MAGI3: variants seen among roughly 807,000 people sequenced by gnomAD.
MAGI3 encodes the protein membrane-associated guanylate kinase, WW and PDZ domain-containing protein 3.
Under a neutral mutation model 121.8 loss-of-function variants are expected in MAGI3, and 43 were observed. That is an observed-to-expected ratio of 0.35 (90% confidence interval 0.28 to 0.46). The LOEUF is 0.46. MAGI3 is among the 20% of genes least tolerant of loss of function. The pLI, the probability that MAGI3 is intolerant of heterozygous loss-of-function variation, is 1.00. For synonymous variants in MAGI3, 553 were observed against 639.3 expected (o/e 0.86, Z 2.04); for missense variants, 1,547 against 1,797.3 (o/e 0.86, Z 2.52).
chr1:113,438,085 T>C lies in MAGI3; in HGVS notation c.316+46736T>C, dbSNP rs1653721299. 5.9e-5 allele frequency among the ~76,000 whole-genome samples: 9 copies of C among 152,088 alleles called. No individual in the cohort carries two copies. In the South Asian group the frequency reaches 1.9e-3, roughly 32 times the overall value. ...CTGGAACTACAGGCATGAGCCACTGTGCCTGGCTCTGCAAGACTGATGTAG... is the reference window on the plus strand; with the variant it reads ...CTGGAACTACAGGCATGAGCCACTGCGCCTGGCTCTGCAAGACTGATGTAG... On this transcript the variant is annotated intron_variant, in intron 1 of 20. Transcript: ENST00000307546.
At chr1:113,577,055 G>T (rs994980977) in intron 2 of MAGI3, among the ~76,000 whole-genome samples, 1 of 152,066 alleles carries the variant, frequency 6.6e-6, no homozygotes, top group African/African-American at 2.4e-5. Context: ...TTATTTAGTT[G>T]GTACAATCAT....
At chr1:113,441,196 G>A (rs1355296242) in intron 1 of MAGI3, among the ~76,000 whole-genome samples, 1 of 152,010 alleles carries the variant, frequency 6.6e-6, no homozygotes, top group Non-Finnish European at 1.5e-5. Context: ...TCTCATGTTG[G>A]GATTTCCCCT....
At chr1:113,649,206 CATAGT>C (rs1268221350) in intron 12 of MAGI3, 26 bp from the exon 13 acceptor site, 1 of 1,507,448 alleles carries the variant, frequency 6.6e-7, no homozygotes, top group African/African-American at 1.4e-5. Context: ...TAAAATAAAT[CATAGT>C]ATTTATATTT....
intron 1 of MAGI3, among the ~76,000 whole-genome samples, chr1:113,496,109 A>G (rs1409956707): frequency 6.6e-6 from 1 of 152,150 alleles, no homozygotes; most frequent in East Asian, 1.9e-4. Context: ...TGATAAAGGA[A>G]CTGTGCTTTA....
intron 4 of MAGI3, among the ~76,000 whole-genome samples, chr1:113,586,532 G>A (rs561055658): frequency 3.9e-5 from 6 of 152,198 alleles, no homozygotes; most frequent in African/African-American, 9.6e-5. Flanking sequence ...CACATAATAC[G>A]TTTAATGTTA....
chr1:113,390,958 C>T lies in MAGI3; in HGVS notation c.-76C>T, dbSNP rs1163344548. 3.7e-6 allele frequency: 5 copies of T among 1,348,792 alleles called. No homozygotes were observed. The highest frequency in any genetic ancestry group is 7.3e-5 in the Admixed American group (2 of 27,502). The allele number at this position is 1,348,792 out of a possible 1,614,324, so 83.6% of individuals were successfully genotyped here. On this transcript the variant is annotated 5_prime_UTR_variant, in exon 1 of 21. Transcript: ENST00000307546. ...CGGGCTGCGCGGGCCGCCCAGGGCC[C>T]CCGGGCTGAGACGGGGCCGGAGCGG...
intron 1 of MAGI3, among the ~76,000 whole-genome samples, chr1:113,490,114 T>C (rs1350626295): frequency 6.6e-6 from 1 of 151,908 alleles, no homozygotes; most frequent in Non-Finnish European, 1.5e-5. Flanking sequence ...TCAAAATGAA[T>C]GAAAAAAATG....
chr1:113,641,048 TG>T (rs1652462225), intron 9 of MAGI3, among the ~76,000 whole-genome samples: 1 of 107,798 alleles, frequency 9.3e-6, no homozygotes, highest in Non-Finnish European at 1.8e-5. Context: ...ATAATATATA[TG>T]ATATATTATA....
At chr1:113,645,320 G>C (rs952548778) in intron 11 of MAGI3, among the ~76,000 whole-genome samples, 1 of 152,026 alleles carries the variant, frequency 6.6e-6, no homozygotes, top group Non-Finnish European at 1.5e-5. Flanking sequence ...CACTGCGCCC[G>C]GCCAGCTTCT....
At chr1:113,473,486 A>G (rs1263201593) in intron 1 of MAGI3, among the ~76,000 whole-genome samples, 3 of 141,402 alleles carry the variant, frequency 2.1e-5, no homozygotes, top group African/African-American at 5.3e-5. Context: ...TCATTGTTCA[A>G]TTCCCACCTA....
At chr1:113,434,676 A>T (rs1464053281) in intron 1 of MAGI3, among the ~76,000 whole-genome samples, 1 of 152,204 alleles carries the variant, frequency 6.6e-6, no homozygotes, top group Non-Finnish European at 1.5e-5. Flanking sequence ...GTGATTAAAA[A>T]TTTATCTCCT....
intron 12 of MAGI3, among the ~76,000 whole-genome samples, chr1:113,648,414 C>CTT (rs566094328): frequency 6.6e-5 from 9 of 135,962 alleles, no homozygotes; most frequent in African/African-American, 1.1e-4. Context: ...ACTTAATATT[C>CTT]TTTTTTTTTT....
chr1:113,429,902 C>T (rs1653214975), intron 1 of MAGI3, among the ~76,000 whole-genome samples: 1 of 152,058 alleles, frequency 6.6e-6, no homozygotes, highest in Non-Finnish European at 1.5e-5. Flanking sequence ...ATTCTCCTGC[C>T]TCACCATAAA....
At chr1:113,682,484 G>A in intron 20 of MAGI3, 1 of 1,325,556 alleles carries the variant, frequency 7.5e-7, no homozygotes, top group Non-Finnish European at 9.6e-7. Context: ...GGTTACCACA[G>A]TTTGGTTTCC....
At chr1:113,532,867 A>G (rs746756635) in intron 1 of MAGI3, among the ~76,000 whole-genome samples, 2 of 152,228 alleles carry the variant, frequency 1.3e-5, no homozygotes, top group Non-Finnish European at 2.9e-5. Flanking sequence ...TTAAAGAGCT[A>G]CAAAGAATTG....
intron 5 of MAGI3, among the ~76,000 whole-genome samples, chr1:113,593,856 G>T (rs1346868965): frequency 6.6e-6 from 1 of 152,144 alleles, no homozygotes; most frequent in Admixed American, 6.5e-5. Flanking sequence ...TTCCTGTGTG[G>T]ATCATGCTGA....
At chr1:113,435,073 CT>C (rs1232686800) in intron 1 of MAGI3, among the ~76,000 whole-genome samples, 1 of 152,004 alleles carries the variant, frequency 6.6e-6, no homozygotes, top group African/African-American at 2.4e-5. Context: ...TACTATTTTC[CT>C]TAGTAGTTAA....
chr1:113,611,936 C>CTTTATTTAT (rs71590570), intron 6 of MAGI3, among the ~76,000 whole-genome samples: 2 of 138,768 alleles, frequency 1.4e-5, no homozygotes, highest in Non-Finnish European at 3.1e-5. Context: ...CTAATCCCAA[C>CTTTATTTAT]TTATTTATTT....
intron 6 of MAGI3, among the ~76,000 whole-genome samples, chr1:113,601,316 T>C (rs1249925912): frequency 6.6e-6 from 1 of 152,134 alleles, no homozygotes; most frequent in African/African-American, 2.4e-5. Context: ...TTTTGCAATC[T>C]ACTCATCTGA....
Sources: gnomAD v4.1 joint callset for allele counts (sites outside exome capture counted in the v4.1 genomes callset) on GRCh38, gnomAD v4.1.1 for gene constraint, MANE v1.5 for transcripts, NCBI Gene and HGNC (gene_info 2026-07-23, HGNC 2026-07-21) for gene names.